Variants in TLDC2 observed in about 807,000 individuals in gnomAD.
TLDC2 encodes TBC/LysM-associated domain containing 2.
Under a neutral mutation model 27.9 loss-of-function variants are expected in TLDC2, and 23 were observed. The observed-to-expected ratio is 0.82, with a 90% CI of 0.59 to 1.17. The LOEUF (loss-of-function observed/expected upper bound fraction) is 1.17, where lower values mean the gene tolerates loss of function less well. Ranked by LOEUF, TLDC2 falls within the 50% of genes most tolerant of loss-of-function variation. TLDC2 has a pLI of 0.00. For synonymous variants in TLDC2, 124 were observed against 107.4 expected, an observed-to-expected ratio of 1.16 and a Z score of -0.96; for missense variants, 286 against 273.4, an observed-to-expected ratio of 1.05 and a Z score of -0.32.
intron 4 of TLDC2, among the ~76,000 whole-genome samples, chr20:36,884,511 C>T (rs1005359273): frequency 6.6e-6 from 1 of 152,064 alleles, no homozygotes. Flanking sequence ...AATCCCAGCA[C>T]TCGTGGGACT....
At chr20:36,881,054 GGAC>G (rs1171183520) in intron 4 of TLDC2, among the ~76,000 whole-genome samples, 1 of 152,220 alleles carries the variant, frequency 6.6e-6, no homozygotes, top group Non-Finnish European at 1.5e-5. Context: ...CGTGGTGGCA[GGAC>G]GACAAAGGAG....
chr20:36,892,795 A>T, intron 6 of TLDC2, 67 bp from the exon 7 acceptor site: 2 of 1,084,354 alleles, frequency 1.8e-6, no homozygotes, highest in Non-Finnish European at 2.9e-6. Flanking sequence ...ATTAAAAGTT[A>T]CTTAGCTTCA....
In TLDC2 at chr20:36,889,401, C is replaced by T; in HGVS notation, c.*15C>T. ...TTCTCAGCTGACAGCCCTGCGGCAACAGGTACTCAGCCCTGCTCATGATGC... is the reference window on the plus strand; with the variant it reads ...TTCTCAGCTGACAGCCCTGCGGCAATAGGTACTCAGCCCTGCTCATGATGC... On this transcript the variant is annotated splice_region_variant and 3_prime_UTR_variant, in exon 6 of 7. Transcript: ENST00000217320. 1 of 1,612,468 alleles carries T rather than the reference C, an allele frequency of 6.2e-7. No individual in the cohort carries two copies. The highest frequency in any genetic ancestry group is 8.5e-7 in the Non-Finnish European group (1 of 1,179,690).
chr20:36,879,307 T>C, intron 3 of TLDC2, 114 bp downstream of exon 3: 2 of 1,336,124 alleles, frequency 1.5e-6, no homozygotes, highest in Admixed American at 5.3e-5. Flanking sequence ...CTAAGTCACC[T>C]ATAATGGACA....
intron 6 of TLDC2, 126 bp downstream of exon 6, chr20:36,889,529 G>A: frequency 8.3e-7 from 1 of 1,208,776 alleles, no homozygotes; most frequent in Non-Finnish European, 1.1e-6. Context: ...CTTGTGGCCT[G>A]GGGACCCAAG....
At position 36,884,618 on chromosome 20, in the gene TLDC2, T is replaced by C. The variant is rs1989881174; in HGVS notation, c.439-2837T>C. ...TACAAAAAGCAAAAAAATAGCTGGG[T>C]GTGGTGGCACACACCTGTAGTCCCA... On this transcript the variant is annotated intron_variant, in intron 4 of 6. Coordinates refer to ENST00000217320, the MANE Select transcript of TLDC2 (RefSeq NM_080628.3). Among the ~76,000 whole-genome samples, 4 of 151,850 alleles carry C rather than the reference T, an allele frequency of 2.6e-5. No individual in the cohort carries two copies. The South Asian group carries it at 8.3e-4, about 32-fold the overall frequency.
intron 4 of TLDC2, among the ~76,000 whole-genome samples, chr20:36,886,817 T>C (rs1989931733): frequency 6.6e-6 from 1 of 152,114 alleles, no homozygotes; most frequent in African/African-American, 2.4e-5. Flanking sequence ...AGGCTGCACT[T>C]CTGGCCATTG....
At position 36,893,005 on chromosome 20, in the gene TLDC2, G is replaced by A. The variant is rs1317411077; in HGVS notation, c.*161G>A. On this transcript the variant is annotated 3_prime_UTR_variant, in exon 7 of 7. Transcript: ENST00000217320. Reference sequence around the variant, plus strand: ...TCGGAGGCGAGTTGGATTTTGGACTGAAGTACTGTCGTTCCATTCCTTTTT... The same window carrying A: ...TCGGAGGCGAGTTGGATTTTGGACTAAAGTACTGTCGTTCCATTCCTTTTT... 1 of 1,614,098 alleles carries A rather than the reference G, an allele frequency of 6.2e-7. No individual in the cohort carries two copies. The highest frequency in any genetic ancestry group is 1.7e-5 in the Admixed American group (1 of 59,994).
At chr20:36,890,409 T>TCTTTCTTTCTTG (rs1990039390) in intron 6 of TLDC2, 2 of 149,880 alleles carry the variant, frequency 1.3e-5, no homozygotes, top group Admixed American at 1.4e-4. Context: ...TTTCTTTCTT[T>TCTTTCTTTCTTG]CTTTCTTTCT....
intron 4 of TLDC2, among the ~76,000 whole-genome samples, chr20:36,884,875 CTT>C (rs11480944): frequency 7.7e-5 from 8 of 103,228 alleles, no homozygotes; most frequent in Non-Finnish European, 1.5e-4. Context: ...CACAGAAATT[CTT>C]TTTTTTTTTT....
intron 5 of TLDC2, among the ~76,000 whole-genome samples, chr20:36,887,911 G>A (rs1262421549): frequency 6.6e-6 from 1 of 152,128 alleles, no homozygotes; most frequent in Non-Finnish European, 1.5e-5. Context: ...TGAGGACGGG[G>A]TAGAGAGAGG....
Position 36,892,848 on chromosome 20 carries a change from T to A in TLDC2, c.*18-14T>A, listed in dbSNP as rs1245105892. The A allele has an allele frequency of 6.5e-7, 1 of 1,529,538 alleles. No individual in the cohort carries two copies. Among genetic ancestry groups the A allele is most frequent in the East Asian group, 2.2e-5 (1 of 44,474 alleles). The allele number at this position is 1,529,538 out of a possible 1,614,324, so 94.7% of individuals were successfully genotyped here. On this transcript the variant is annotated splice_polypyrimidine_tract_variant and intron_variant, in intron 6 of 6. Transcript: ENST00000217320. ...AAATACAAAATTAAAGCATGAGTTG[T>A]CATTAATTTGCAGAATTCTATGATT...
In TLDC2 at chr20:36,878,049, C is replaced by T. The variant is rs184539554; in HGVS notation, c.184C>T (p.Arg62Trp). The T allele has an allele frequency of 2.4e-5, 39 of 1,612,606 alleles. No homozygotes were observed. The highest frequency in any genetic ancestry group is 2.0e-4 in the African/African-American group (15 of 75,046). Residue 62 changes from arginine (R) to tryptophan (W), a missense_variant, in exon 2 of 7, where the codon CGG becomes TGG. By Grantham distance (101) the Arg-to-Trp change is moderately radical (BLOSUM62 -3). Coordinates refer to ENST00000217320, the MANE Select transcript of TLDC2 (RefSeq NM_080628.3). ...CCAGGTTTTGAGTGCCTCAGAGATT[C>T]GGCAGGTCTGGGCATTGCCCATGGC... ...ASQVLSASEI[R>W]QLSFHFPPRV...
chr20:36,886,041 T>C (rs1387890593), intron 4 of TLDC2, among the ~76,000 whole-genome samples: 1 of 152,082 alleles, frequency 6.6e-6, no homozygotes, highest in Non-Finnish European at 1.5e-5. Context: ...GAAAGACTGG[T>C]GTGGCTAATG....
intron 4 of TLDC2, among the ~76,000 whole-genome samples, chr20:36,881,639 C>T (rs1259173367): frequency 6.6e-6 from 1 of 152,088 alleles, no homozygotes; most frequent in Non-Finnish European, 1.5e-5. Flanking sequence ...TTTTGCCAAA[C>T]TGGCTTAACA....
In TLDC2 at chr20:36,877,887, G is replaced by T. The variant is rs376026397; in HGVS notation, c.34-12G>T. On this transcript the variant is annotated splice_polypyrimidine_tract_variant and intron_variant, in intron 1 of 6. Transcript: ENST00000217320. ...GTCCCTGGACACACCAGGCCACTTT[G>T]TGTTTTTGCAGCCCAGCCAGGTGGA... 2 of 1,609,524 alleles carry T rather than the reference G, an allele frequency of 1.2e-6. No homozygotes were observed. The highest frequency in any genetic ancestry group is 1.7e-6 in the Non-Finnish European group (2 of 1,178,166).
rs1482223429 is a variant in TLDC2 at position 36,894,018 on chromosome 20, T to C, written c.*1174T>C. ...GGCAGTGGCAGTGACTATTCTGTGG[T>C]TCTAGCTTTTGCAGGTGGCCCCAGC... On this transcript the variant is annotated 3_prime_UTR_variant, in exon 7 of 7. Transcript: ENST00000217320. The C allele has an allele frequency of 7.5e-6, 3 of 398,072 alleles. No individual in the cohort carries two copies. The highest frequency in any genetic ancestry group is 1.3e-5 in the Non-Finnish European group (3 of 225,892). 24.7% of individuals were successfully genotyped at this position (398,072 alleles called of 1,614,324 possible).
rs1311669519 is a variant in TLDC2 at position 36,893,469 on chromosome 20, AAAG to A, written c.*629_*631del. 1 of 293,012 alleles carries A rather than the reference AAAG, an allele frequency of 3.4e-6. No individual in the cohort carries two copies. The highest frequency in any genetic ancestry group is 6.4e-6 in the Non-Finnish European group (1 of 156,732). The allele number at this position is 293,012 out of a possible 1,614,324, so 18.2% of individuals were successfully genotyped here. A position where few individuals can be genotyped will look rare whatever the true frequency, so the allele number is the denominator to read the frequency against. ...AAAAGGCCCAGGTCTACAAGATGGC[AAAG>A]AAGGGGAGGAAGAACAGTATGTACC... On this transcript the variant is annotated 3_prime_UTR_variant, in exon 7 of 7. Transcript: ENST00000217320.
chr20:36,891,521 A>T (rs1480824931), intron 6 of TLDC2: 1 of 152,398 alleles, frequency 6.6e-6, no homozygotes, highest in Non-Finnish European at 1.5e-5. Flanking sequence ...CTAACTGCAG[A>T]CTTTGTTCTT....
Sources: allele counts gnomAD v4.1 joint callset (sites outside exome capture counted in the v4.1 genomes callset), GRCh38; gene constraint gnomAD v4.1.1; transcripts MANE v1.5; gene names NCBI Gene and HGNC (gene_info 2026-07-23, HGNC 2026-07-21).